RELN: variants seen among roughly 807,000 people sequenced by gnomAD.
The protein encoded by RELN is reelin.
RELN carries 108 observed loss-of-function variants against 427.6 expected under a neutral mutation model. The observed-to-expected ratio is 0.25, with a 90% CI of 0.22 to 0.30. The LOEUF is 0.30. Ranked by LOEUF, RELN falls within the 10% of genes least tolerant of loss-of-function variation. RELN has a pLI of 1.00. For missense variants in RELN, 3,715 were observed against 4,302.8 expected (o/e 0.86, Z 3.82); for synonymous variants, 1,524 against 1,513.4 (o/e 1.01, Z -0.16).
chr7:103,740,973 C>T (rs953224807), intron 6 of RELN, among the ~76,000 whole-genome samples: 1 of 152,128 alleles, frequency 6.6e-6, no homozygotes, highest in Non-Finnish European at 1.5e-5. Flanking sequence ...AGGCACTTTG[C>T]TTCTATCTGG....
rs1323428706 is a variant in RELN at position 103,687,488 on chromosome 7, T to C, written c.1144-5227A>G. ...AATGGGGATAATTGTGAGCATTAGA[T>C]AAAATACTGCAGGGAACATGCCTAA... On this transcript the variant is annotated intron_variant, in intron 10 of 64. Transcript: ENST00000428762. Among the ~76,000 whole-genome samples, 3 of 152,168 alleles carry C rather than the reference T, an allele frequency of 2.0e-5. No individual in the cohort carries two copies. In the South Asian group the frequency reaches 6.2e-4, roughly 32 times the overall value.
chr7:103,557,157 T>C lies in RELN; in HGVS notation c.5617A>G (p.Thr1873Ala), dbSNP rs1055527526. The C allele has an allele frequency of 6.8e-6, 11 of 1,611,454 alleles. No individual in the cohort carries two copies. The highest frequency in any genetic ancestry group is 8.5e-6 in the Non-Finnish European group (10 of 1,177,798). Residue 1873 changes from threonine to alanine, a missense_variant and splice_region_variant, in exon 38 of 65, where the codon ACC becomes GCC. Transcript: ENST00000428762. ...AGAATAGAGTGAGATCTCTCTGGGGTACCTAGGAAGAAGATAACACAGGTA... is the reference window on the plus strand; with the variant it reads ...AGAATAGAGTGAGATCTCTCTGGGGCACCTAGGAAGAAGATAACACAGGTA... ...QFSLRFIAKS[T>A]PERSHSILLQ...
chr7:103,936,673 C>T (rs1397210437), intron 1 of RELN, among the ~76,000 whole-genome samples: 1 of 151,874 alleles, frequency 6.6e-6, no homozygotes, highest in Non-Finnish European at 1.5e-5. Context: ...TTTCCCTCCC[C>T]CAAGAAATCT....
chr7:103,755,177 C>T (rs956602894), intron 4 of RELN, among the ~76,000 whole-genome samples: 2 of 151,968 alleles, frequency 1.3e-5, no homozygotes, highest in Non-Finnish European at 2.9e-5. Flanking sequence ...TGATAGTGGC[C>T]GGGCCCGGTG....
At chr7:103,823,142 A>G (rs1162165334) in intron 3 of RELN, among the ~76,000 whole-genome samples, 3 of 152,000 alleles carry the variant, frequency 2.0e-5, no homozygotes, top group Admixed American at 6.6e-5. Context: ...TCTGATATTA[A>G]TATAGTAACA....
chr7:103,713,719 G>C (rs1047851589), intron 8 of RELN, among the ~76,000 whole-genome samples: 1 of 151,006 alleles, frequency 6.6e-6, no homozygotes, highest in Admixed American at 6.6e-5. Context: ...TCACTAGGGA[G>C]AAAATACTCT....
intron 1 of RELN, among the ~76,000 whole-genome samples, chr7:103,983,863 C>CTG (rs59702742): frequency 0.01 from 1,552 of 148,518 alleles, 17 homozygotes; most frequent in African/African-American, 0.016. Context: ...CTTCATATTT[C>CTG]TGTGTGTGTG....
rs952829376 is a variant in RELN, at chr7:103,472,181, C to T, written c.*631G>A. ...AGCATTTTTCTTATCCACAAAACAA[C>T]GCTAAACCAACATACATTTTTAAGG... On this transcript the variant is annotated 3_prime_UTR_variant, in exon 65 of 65. Transcript: ENST00000428762. The T allele has an allele frequency of 1.4e-4, 22 of 152,958 alleles. No homozygotes were observed. The highest frequency in any genetic ancestry group is 4.6e-4 in the African/African-American group (19 of 41,540). 9.5% of individuals were successfully genotyped at this position (152,958 alleles called of 1,614,324 possible).
At chr7:103,730,603 T>G (rs1208143128) in intron 6 of RELN, among the ~76,000 whole-genome samples, 1 of 152,066 alleles carries the variant, frequency 6.6e-6, no homozygotes, top group Non-Finnish European at 1.5e-5. Context: ...CCCCAGAAAT[T>G]TATAACAAAT....
At position 103,503,081 on chromosome 7, in the gene RELN, A is replaced by T. The variant is rs776860509; in HGVS notation, c.8424T>A (p.Ser2808=). The T allele has an allele frequency of 3.7e-6, 6 of 1,614,100 alleles. No homozygotes were observed. In the Admixed American group the frequency reaches 1.0e-4, roughly 27 times the overall value. ...TCCACCCTTTAGTTGGAAAGAATAC[A>T]GATGGCTGAGAAACACTTCCAGAGC... is the stretch of plus-strand genomic sequence containing the variant. ...PKCSGSVSQP[S]VFFPTKGWKR... is the part of the protein sequence containing the mutation. The change falls in exon 52 of 65, where the codon TCT becomes TCA. Residue 2808 remains serine, a synonymous_variant. Coordinates refer to ENST00000428762, the MANE Select transcript of RELN (RefSeq NM_005045.4).
intron 3 of RELN, among the ~76,000 whole-genome samples, chr7:103,778,469 T>C (rs967530171): frequency 6.6e-6 from 1 of 152,216 alleles, no homozygotes; most frequent in Non-Finnish European, 1.5e-5. Context: ...ATTCCTATCA[T>C]AATATTTCTT....
At chr7:103,627,625 T>A (rs1037749929) in intron 20 of RELN, among the ~76,000 whole-genome samples, 1 of 149,938 alleles carries the variant, frequency 6.7e-6, no homozygotes, top group Admixed American at 6.6e-5. Flanking sequence ...TCTCTGTTGT[T>A]TCATAACCAA....
chr7:103,749,330 G>T, intron 6 of RELN, 96 bp downstream of exon 6: 1 of 953,904 alleles, frequency 1.0e-6, no homozygotes, highest in Non-Finnish European at 1.7e-6. Context: ...TAGCACTAAA[G>T]ATCAACTTAA....
chr7:103,528,891 A>G (rs1205196676), intron 46 of RELN, among the ~76,000 whole-genome samples: 1 of 150,682 alleles, frequency 6.6e-6, no homozygotes, highest in East Asian at 2.0e-4. Flanking sequence ...TAATCCCAGC[A>G]CTTTGGGAGG....
At chr7:103,711,722 T>C (rs1789806623) in intron 8 of RELN, among the ~76,000 whole-genome samples, 1 of 152,146 alleles carries the variant, frequency 6.6e-6, no homozygotes, top group Non-Finnish European at 1.5e-5. Flanking sequence ...AGTGGTATGA[T>C]CACAGCTCAC....
At chr7:103,985,981 A>T (rs1010490929) in intron 1 of RELN, among the ~76,000 whole-genome samples, 1 of 152,158 alleles carries the variant, frequency 6.6e-6, no homozygotes, top group Non-Finnish European at 1.5e-5. Context: ...ACAAAACAAA[A>T]CAAAAAATTC....
At chr7:103,504,314 T>G (rs1829136545) in intron 51 of RELN, 1 of 152,208 alleles carries the variant, frequency 6.6e-6, no homozygotes, top group African/African-American at 2.4e-5. Context: ...AATTTTCTCT[T>G]GTTGAAACAA....
chr7:103,668,941 T>G (rs1176740483), intron 11 of RELN, among the ~76,000 whole-genome samples: 1 of 152,324 alleles, frequency 6.6e-6, no homozygotes, highest in East Asian at 1.9e-4. Flanking sequence ...AGAATTTTCA[T>G]GGACTAAAAG....
intron 9 of RELN, among the ~76,000 whole-genome samples, chr7:103,698,776 A>G (rs1834031514): frequency 6.6e-6 from 1 of 151,974 alleles, no homozygotes; most frequent in Non-Finnish European, 1.5e-5. Context: ...CAGCCTCCCA[A>G]AGTGTTGGGG....
Sources: gnomAD v4.1 joint callset for allele counts (sites outside exome capture counted in the v4.1 genomes callset) on GRCh38, gnomAD v4.1.1 for gene constraint, MANE v1.5 for transcripts, NCBI Gene and HGNC (gene_info 2026-07-23, HGNC 2026-07-21) for gene names.